The following DCDC1 variants were observed in gnomAD, a reference collection of about 807,000 sequenced individuals.
DCDC1 encodes doublecortin domain containing 1, also known as doublecortin domain-containing protein 1.
In DCDC1, 200 loss-of-function variants were observed where a neutral mutation model predicts 178.3. The observed-to-expected ratio is 1.12, with a 90% CI of 1.00 to 1.26. The LOEUF (loss-of-function observed/expected upper bound fraction) is 1.26. DCDC1 is among the 50% of genes most tolerant of loss of function. The pLI, the probability that DCDC1 is intolerant of heterozygous loss-of-function variation, is 0.00. For synonymous variants in DCDC1, 690 were observed against 604.8 expected (o/e 1.14, Z -2.07); for missense variants, 1,983 against 1,749.2 (o/e 1.13, Z -2.38).
At chr11:31,297,420 C>T (rs981920564) in intron 6 of DCDC1, among the ~76,000 whole-genome samples, 1 of 151,916 alleles carries the variant, frequency 6.6e-6, no homozygotes, top group Non-Finnish European at 1.5e-5. Flanking sequence ...AGTGCAGTGG[C>T]ATGATCTCGA....
intron 15 of DCDC1, among the ~76,000 whole-genome samples, chr11:31,094,532 T>C (rs1413779768): frequency 6.6e-6 from 1 of 152,068 alleles, no homozygotes; most frequent in African/African-American, 2.4e-5. Context: ...CATGAAAAAA[T>C]GGTACGCTCA....
chr11:31,330,971 A>G (rs1949948950), intron 2 of DCDC1, among the ~76,000 whole-genome samples: 1 of 152,206 alleles, frequency 6.6e-6, no homozygotes, highest in Non-Finnish European at 1.5e-5. Context: ...TGAATCTAAA[A>G]TTACCTTGGG....
At chr11:31,176,812 G>C (rs895351203) in intron 9 of DCDC1, among the ~76,000 whole-genome samples, 2 of 152,130 alleles carry the variant, frequency 1.3e-5, no homozygotes, top group Non-Finnish European at 2.9e-5. Flanking sequence ...CTATCCTTAA[G>C]AAATGAAGGG....
At chr11:30,899,250 A>G (rs1415291018) in intron 34 of DCDC1, among the ~76,000 whole-genome samples, 5 of 152,188 alleles carry the variant, frequency 3.3e-5, no homozygotes, top group Non-Finnish European at 5.9e-5. Context: ...TTCAAAAACA[A>G]TGAGGTAGTT....
intron 20 of DCDC1, among the ~76,000 whole-genome samples, chr11:30,983,952 A>G (rs1590657302): frequency 6.6e-6 from 1 of 152,200 alleles, no homozygotes; most frequent in East Asian, 1.9e-4. Context: ...ATTTCAACAT[A>G]AACAATGCTC....
intron 8 of DCDC1, among the ~76,000 whole-genome samples, chr11:31,250,549 T>C (rs1591540581): frequency 6.7e-6 from 1 of 150,306 alleles, no homozygotes; most frequent in Admixed American, 6.7e-5. Flanking sequence ...TTCCGTTAGA[T>C]ATAATTTTCC....
chr11:31,013,984 C>A (rs1467518457), intron 20 of DCDC1, among the ~76,000 whole-genome samples: 1 of 152,190 alleles, frequency 6.6e-6, no homozygotes, highest in African/African-American at 2.4e-5. Context: ...TCCCTGCCTC[C>A]TGGCATTTCC....
At chr11:31,222,707 G>A (rs540157243) in intron 9 of DCDC1, among the ~76,000 whole-genome samples, 47 of 152,208 alleles carry the variant, frequency 3.1e-4, no homozygotes, top group African/African-American at 9.6e-4. Context: ...CTTCTGGCTC[G>A]AAGATGGCTG....
At chr11:30,985,506 T>A (rs1432707288) in intron 20 of DCDC1, among the ~76,000 whole-genome samples, 2 of 152,178 alleles carry the variant, frequency 1.3e-5, no homozygotes, top group Non-Finnish European at 2.9e-5. Context: ...AAGTAAAATG[T>A]GCAAATCTTA....
chr11:30,946,409 T>A (rs1243618064), intron 21 of DCDC1, among the ~76,000 whole-genome samples: 2 of 152,184 alleles, frequency 1.3e-5, no homozygotes, highest in Non-Finnish European at 2.9e-5. Context: ...GTTTCAAACA[T>A]ATTAATTCAT....
intron 27 of DCDC1, among the ~76,000 whole-genome samples, chr11:30,913,244 T>C (rs1433248762): frequency 6.6e-6 from 1 of 151,898 alleles, no homozygotes; most frequent in African/African-American, 2.4e-5. Flanking sequence ...CTGTCTCTAC[T>C]AAAAATACAA....
chr11:31,214,822 A>T (rs930277809), intron 9 of DCDC1, among the ~76,000 whole-genome samples: 1 of 152,106 alleles, frequency 6.6e-6, no homozygotes, highest in Non-Finnish European at 1.5e-5. Context: ...GATAAATTTC[A>T]AATATATGTT....
At chr11:31,310,979 C>A (rs923382206) in intron 3 of DCDC1, among the ~76,000 whole-genome samples, 4 of 152,144 alleles carry the variant, frequency 2.6e-5, no homozygotes, top group South Asian at 2.1e-4. Context: ...TGACTCAGCA[C>A]CTCCTATCTC....
intron 9 of DCDC1, among the ~76,000 whole-genome samples, chr11:31,195,275 C>A (rs1970569272): frequency 6.6e-6 from 1 of 152,124 alleles, no homozygotes. Flanking sequence ...CCACTAACGA[C>A]TGTGAAACCT....
chr11:30,931,889 A>G lies in DCDC1; in HGVS notation c.2779T>C (p.Cys927Arg). 3 of 1,613,214 alleles carry G rather than the reference A, an allele frequency of 1.9e-6. No homozygotes were observed. The highest frequency in any genetic ancestry group is 2.5e-6 in the Non-Finnish European group (3 of 1,179,434). Residue 927 changes from cysteine (C) to arginine (R), a missense_variant, in exon 22 of 39, where the codon TGT (cysteine) becomes CGT (arginine). Cys to Arg is a radical substitution (Grantham distance 180, BLOSUM62 -3). Transcript: ENST00000684477. ...PSSPPMKKPI[C>R]KTTEPYAPVR... ...GGGGCATATGGCTCTGTTGTCTTACAGATGGGTTTCTTCATGGGAGGACTG... is the reference window on the plus strand; with the variant it reads ...GGGGCATATGGCTCTGTTGTCTTACGGATGGGTTTCTTCATGGGAGGACTG...
chr11:30,944,011 C>T (rs978528032), intron 21 of DCDC1: 12 of 249,946 alleles, frequency 4.8e-5, no homozygotes, highest in African/African-American at 2.5e-4. Context: ...GAATTGGAGT[C>T]TCACTCAGGG....
At chr11:30,866,825 G>A (rs752111110) in intron 38 of DCDC1, among the ~76,000 whole-genome samples, 5 of 152,084 alleles carry the variant, frequency 3.3e-5, no homozygotes, top group African/African-American at 1.2e-4. Context: ...ATGCAACAAC[G>A]TTGGGAAGTG....
chr11:30,905,036 T>C lies in DCDC1; in HGVS notation c.4233A>G (p.Ala1411=). The change falls in exon 31 of 39, where the codon GCA becomes GCG. Residue 1411 remains alanine (A), a synonymous_variant. Transcript: ENST00000684477. The part of the protein sequence containing the change: ...HSGMAATHQK[A]VKIIAYKNGD... The stretch of plus-strand genomic sequence containing the variant: ...CATTTTTGTATGCAATTATTTTCAC[T>C]GCCTTCTGGTGTGTGGCTGCCATGC... 1 of 1,613,918 alleles carries C rather than the reference T, an allele frequency of 6.2e-7. No homozygotes were observed. Among genetic ancestry groups the C allele is most frequent in the East Asian group, 2.2e-5 (1 of 44,880 alleles).
intron 18 of DCDC1, among the ~76,000 whole-genome samples, chr11:31,075,110 A>G (rs1956789601): frequency 6.6e-6 from 1 of 152,136 alleles, no homozygotes; most frequent in African/African-American, 2.4e-5. Context: ...ATGTGTACAC[A>G]TTATTTAGCT....
Sources: gnomAD v4.1 joint callset for allele counts (sites outside exome capture counted in the v4.1 genomes callset) on GRCh38, gnomAD v4.1.1 for gene constraint, MANE v1.5 for transcripts, NCBI Gene and HGNC (gene_info 2026-07-23, HGNC 2026-07-21) for gene names.